RNF169: variants seen among roughly 807,000 people sequenced by gnomAD.
The protein encoded by RNF169 is E3 ubiquitin-protein ligase RNF169.
In RNF169, 24 loss-of-function variants were observed where a neutral mutation model predicts 53.9. The ratio of observed to expected loss-of-function variants is 0.45; its 90% CI spans 0.32 to 0.63. RNF169 has a LOEUF of 0.63. RNF169 is among the 20% of genes least tolerant of loss of function. The pLI is 0.04. For missense variants in RNF169, 883 were observed against 906.2 expected, an observed-to-expected ratio of 0.97 and a Z score of 0.33; for synonymous variants, 396 against 363.5, an observed-to-expected ratio of 1.09 and a Z score of -1.02.
intron 1 of RNF169, among the ~76,000 whole-genome samples, chr11:74,760,564 A>G (rs1174062359): frequency 2.0e-5 from 3 of 151,678 alleles, no homozygotes; most frequent in South Asian, 4.2e-4. Flanking sequence ...TCATTTCGTT[A>G]TGTACCCAGT....
intron 2 of RNF169, among the ~76,000 whole-genome samples, chr11:74,793,186 G>A (rs2035603203): frequency 6.6e-6 from 1 of 152,220 alleles, no homozygotes; most frequent in Admixed American, 6.5e-5. Context: ...AAATAGTAGT[G>A]ACAGATAGTA....
intron 4 of RNF169, among the ~76,000 whole-genome samples, chr11:74,833,266 A>G (rs1172216437): frequency 6.6e-6 from 1 of 152,186 alleles, no homozygotes; most frequent in Non-Finnish European, 1.5e-5. Flanking sequence ...CTCCTTTACA[A>G]GTTTTCTCCA....
chr11:74,831,031 C>T (rs1238952535), intron 4 of RNF169: 1 of 152,086 alleles, frequency 6.6e-6, no homozygotes, highest in Non-Finnish European at 1.5e-5. Flanking sequence ...CTATAAAAAA[C>T]CCACAGCAAC....
In RNF169 at chr11:74,826,320, C is replaced by T. The variant is rs532603766; in HGVS notation, c.843-8356C>T. 3.3e-5 allele frequency among the ~76,000 whole-genome samples: 5 copies of T among 152,168 alleles called. No homozygotes were observed. The South Asian group carries it at 8.3e-4, about 25-fold the overall frequency. On this transcript the variant is annotated intron_variant, in intron 4 of 5. Transcript: ENST00000299563. ...CTGCCTGGGTGACAGAGCAAGATCCCACCTCATAAATAAGTAAATAAATGA... is the reference window on the plus strand; with the variant it reads ...CTGCCTGGGTGACAGAGCAAGATCCTACCTCATAAATAAGTAAATAAATGA...
intron 1 of RNF169, among the ~76,000 whole-genome samples, chr11:74,778,598 C>T (rs2135335567): frequency 6.6e-6 from 1 of 152,266 alleles, no homozygotes; most frequent in South Asian, 2.1e-4. Flanking sequence ...GCTTTACATA[C>T]AGGGAGAGAC....
intron 2 of RNF169, among the ~76,000 whole-genome samples, chr11:74,799,468 T>A (rs1316146470): frequency 6.6e-6 from 1 of 152,140 alleles, no homozygotes; most frequent in East Asian, 1.9e-4. Context: ...CAAAACACGA[T>A]CAAATTCAAT....
intron 2 of RNF169, among the ~76,000 whole-genome samples, chr11:74,795,760 G>A (rs1172163896): frequency 6.6e-6 from 1 of 152,184 alleles, no homozygotes; most frequent in Admixed American, 6.5e-5. Context: ...GGGAGGCTGA[G>A]GCAGGAGGAT....
At chr11:74,827,655 G>A (rs1411259101) in intron 4 of RNF169, among the ~76,000 whole-genome samples, 2 of 152,098 alleles carry the variant, frequency 1.3e-5, no homozygotes, top group African/African-American at 2.4e-5. Flanking sequence ...GATGTCACCC[G>A]AGATGCAAGG....
chr11:74,800,691 G>A (rs2035716640), intron 2 of RNF169, among the ~76,000 whole-genome samples: 1 of 152,136 alleles, frequency 6.6e-6, no homozygotes. Context: ...GGTAAGAAAT[G>A]GAAAACTCAA....
At chr11:74,783,957 T>A (rs1450590871) in intron 1 of RNF169, among the ~76,000 whole-genome samples, 1 of 152,244 alleles carries the variant, frequency 6.6e-6, no homozygotes, top group Non-Finnish European at 1.5e-5. Flanking sequence ...TCTCCATTCA[T>A]CTTTAAGAGA....
rs773751655 is a variant in RNF169 at position 74,836,430 on chromosome 11, C to G, written c.1827C>G (p.Ser609Arg). 11 of 1,614,032 alleles carry G rather than the reference C, an allele frequency of 6.8e-6. No individual in the cohort carries two copies. Among genetic ancestry groups the G allele is most frequent in the Non-Finnish European group, 9.3e-6 (11 of 1,180,042 alleles). The change falls in exon 6 of 6, where the codon AGC becomes AGG. Residue 609 changes from serine to arginine, a missense_variant. Physicochemically the swap from Ser to Arg is moderately radical, Grantham distance 110. Around this residue, in one of 3 missense-constraint regions of RNF169, gnomAD observed 351 missense variants for 337.3 expected, o/e 1.04. Coordinates refer to ENST00000299563, the MANE Select transcript of RNF169 (RefSeq NM_001098638.2). ...TGACTAATGGTGTTCTAGTTGAGAG[C>G]CTAAGTGAAGAGCCACTTCCTTCTT... ...FDLTNGVLVESLSEEPLPSLR... is the reference protein window; with the variant it reads ...FDLTNGVLVERLSEEPLPSLR...
Position 74,836,445 on chromosome 11 carries a change from A to G in RNF169, c.1842A>G (p.Pro614=). Residue 614 remains proline (P), a synonymous_variant, in exon 6 of 6, where the codon CCA becomes CCG. Coordinates refer to ENST00000299563, the MANE Select transcript of RNF169 (RefSeq NM_001098638.2). The part of the protein sequence containing the change: ...GVLVESLSEE[P]LPSLRRGRKR... ...TAGTTGAGAGCCTAAGTGAAGAGCC[A>G]CTTCCTTCTTTGCGTCGAGGCCGGA... The G allele has an allele frequency of 3.1e-6, 5 of 1,614,240 alleles. No individual in the cohort carries two copies. Among genetic ancestry groups the G allele is most frequent in the Non-Finnish European group, 4.2e-6 (5 of 1,180,042 alleles).
At chr11:74,785,682 ACATTGTTCATCT>A (rs1243685272) in intron 1 of RNF169, among the ~76,000 whole-genome samples, 2 of 152,080 alleles carry the variant, frequency 1.3e-5, no homozygotes, top group African/African-American at 2.4e-5. Context: ...AAAGCATTAA[ACATTGTTCATCT>A]TAATCCAACT....
Position 74,810,343 on chromosome 11 carries a change from C to T in RNF169, c.723+13C>T, listed in dbSNP as rs376633778. ...AAATCTGGAACGTGTAAGTAAATCA[C>T]CTTTTTAATGGATACCTGCCTCAAA... On this transcript the variant is annotated intron_variant, in intron 3 of 5. Transcript: ENST00000299563. 92 of 1,612,090 alleles carry T rather than the reference C, an allele frequency of 5.7e-5. No homozygotes were observed. In the African/African-American group the frequency reaches 1.1e-3, roughly 19 times the overall value.
chr11:74,812,420 A>G lies in RNF169; in HGVS notation c.723+2090A>G, dbSNP rs188956751. Among the ~76,000 whole-genome samples, 55 of 152,214 alleles carry G rather than the reference A, an allele frequency of 3.6e-4. No individual in the cohort carries two copies. The East Asian group carries it at 9.5e-3, about 26-fold the overall frequency. ...AGCAATTCTCTCTCCTCAGCCTCCC[A>G]AGTAGGTGGGACCACAGCTGTGTAC... On this transcript the variant is annotated intron_variant, in intron 3 of 5. Transcript: ENST00000299563.
intron 1 of RNF169, among the ~76,000 whole-genome samples, chr11:74,780,458 T>C (rs1432446934): frequency 6.6e-6 from 1 of 152,224 alleles, no homozygotes; most frequent in African/African-American, 2.4e-5. Flanking sequence ...TTTTCCTCAC[T>C]AGTACTTGTT....
At chr11:74,818,984 T>G (rs2035975627) in intron 4 of RNF169, among the ~76,000 whole-genome samples, 1 of 152,324 alleles carries the variant, frequency 6.6e-6, no homozygotes, top group African/African-American at 2.4e-5. Flanking sequence ...TCATTATGTA[T>G]TTGTACTGTA....
At chr11:74,787,153 G>T (rs939141706) in intron 1 of RNF169, among the ~76,000 whole-genome samples, 3 of 152,002 alleles carry the variant, frequency 2.0e-5, no homozygotes, top group Non-Finnish European at 4.4e-5. Flanking sequence ...TGGCCTAAAG[G>T]AAAGTCTTTC....
intron 3 of RNF169, 124 bp from the exon 4 acceptor site, chr11:74,817,472 A>G: frequency 3.0e-6 from 2 of 664,184 alleles, no homozygotes; most frequent in East Asian, 5.0e-5. Flanking sequence ...TCCAGGAGGC[A>G]GTTGGAAACA....
Sources: allele counts gnomAD v4.1 joint callset (sites outside exome capture counted in the v4.1 genomes callset), GRCh38; gene constraint gnomAD v4.1.1; regional missense constraint gnomAD v4.1.1; transcripts MANE v1.5; gene names NCBI Gene and HGNC (gene_info 2026-07-23, HGNC 2026-07-21).